MTBP: variants seen among roughly 807,000 people sequenced by gnomAD.
MTBP encodes MDM2 binding protein, also known as mdm2-binding protein.
In MTBP, 101 loss-of-function variants were observed where a neutral mutation model predicts 117.0. The ratio of observed to expected loss-of-function variants is 0.86; its 90% confidence interval spans 0.73 to 1.02. The LOEUF is 1.02. Ranked by LOEUF, MTBP falls within the 50% of genes least tolerant of loss-of-function variation. The pLI is 0.00. For missense variants in MTBP, 970 were observed against 1,030.9 expected (o/e 0.94, Z 0.81); for synonymous variants, 350 against 351.5 (o/e 1.00, Z 0.05).
chr8:120,448,481 A>G (rs900049053), intron 2 of MTBP, among the ~76,000 whole-genome samples: 5 of 152,190 alleles, frequency 3.3e-5, no homozygotes, highest in African/African-American at 1.2e-4. Context: ...ATAAAATATC[A>G]CATGGGTTTA....
chr8:120,452,246 A>G (rs1288763465), intron 4 of MTBP: 1 of 152,190 alleles, frequency 6.6e-6, no homozygotes, highest in African/African-American at 2.4e-5. Flanking sequence ...TAGTATTCAC[A>G]TATTATATCT....
chr8:120,469,165 C>G (rs1813763855), intron 10 of MTBP, among the ~76,000 whole-genome samples: 1 of 152,106 alleles, frequency 6.6e-6, no homozygotes, highest in African/African-American at 2.4e-5. Context: ...CCTGCCTCAG[C>G]CTCCCAAGTA....
Position 120,523,442 on chromosome 8 carries a change from G to A in MTBP, c.*106G>A, listed in dbSNP as rs971416962. 1.2e-5 allele frequency: 7 copies of A among 605,030 alleles called. No homozygotes were observed. Among genetic ancestry groups the A allele is most frequent in the Non-Finnish European group, 1.9e-5 (7 of 359,782 alleles). 37.5% of individuals were successfully genotyped at this position (605,030 alleles called of 1,614,324 possible). A position where few individuals can be genotyped will look rare whatever the true frequency, so the allele number is the denominator to read the frequency against. On this transcript the variant is annotated 3_prime_UTR_variant, in exon 22 of 22. Transcript: ENST00000305949. ...AAACAAATTTTAAGCTTTATTCAAA[G>A]AATAGATGTTATATTTCTAAAGAAT... is the stretch of plus-strand genomic sequence containing the variant.
intron 9 of MTBP, among the ~76,000 whole-genome samples, chr8:120,461,516 A>G (rs1813583251): frequency 6.6e-6 from 1 of 152,016 alleles, no homozygotes; most frequent in Non-Finnish European, 1.5e-5. Context: ...ATTTTTGTTC[A>G]GTATTGTTGA....
intron 11 of MTBP, chr8:120,473,305 AT>A (rs1813862071): frequency 6.6e-6 from 1 of 152,090 alleles, no homozygotes; most frequent in Non-Finnish European, 1.5e-5. Flanking sequence ...TTGTACCTGC[AT>A]GTAAGGTGAA....
chr8:120,456,453 A>C lies in MTBP; in HGVS notation c.630-100A>C, dbSNP rs1813469312. The stretch of plus-strand genomic sequence containing the variant: ...TTAATAGGAAAAATACAGCAATATA[A>C]ATTTTGCAATTTTGCCTCTTAGGCT... On this transcript the variant is annotated intron_variant, in intron 6 of 21. Coordinates refer to ENST00000305949, the MANE Select transcript of MTBP (RefSeq NM_022045.5). 3 of 678,262 alleles carry C rather than the reference A, an allele frequency of 4.4e-6. No homozygotes were observed. In the Admixed American group the frequency reaches 8.2e-5, roughly 19 times the overall value. 42.0% of individuals were successfully genotyped at this position (678,262 alleles called of 1,614,324 possible). A position where few individuals can be genotyped will look rare whatever the true frequency, so the allele number is the denominator to read the frequency against.
intron 10 of MTBP, among the ~76,000 whole-genome samples, chr8:120,467,479 G>T (rs748564129): frequency 6.6e-6 from 1 of 152,146 alleles, no homozygotes; most frequent in South Asian, 2.1e-4. Context: ...TTATCCAGGC[G>T]TGGTGGCATG....
rs751828983 is a variant in MTBP at position 120,461,157 on chromosome 8, C to G, written c.883-4C>G. 7 of 1,555,140 alleles carry G rather than the reference C, an allele frequency of 4.5e-6. No individual in the cohort carries two copies. In the South Asian group the frequency reaches 7.8e-5, roughly 17 times the overall value. On this transcript the variant is annotated splice_polypyrimidine_tract_variant and splice_region_variant and intron_variant, in intron 8 of 21. Coordinates refer to ENST00000305949, the MANE Select transcript of MTBP (RefSeq NM_022045.5). ...ATATTACACAATTTTAATTTCTTTT[C>G]TAGGTTTTCCATTATTATGGCCCTG...
intron 14 of MTBP, 81 bp from the exon 15 acceptor site, chr8:120,502,411 G>C (rs1002386101): frequency 1.1e-6 from 1 of 926,346 alleles, no homozygotes; most frequent in Admixed American, 2.4e-5. Flanking sequence ...ACGTATGTAT[G>C]TGTCTGTAAA....
chr8:120,472,034 T>A (rs561965028), intron 11 of MTBP: 1 of 152,216 alleles, frequency 6.6e-6, no homozygotes, highest in African/African-American at 2.4e-5. Flanking sequence ...GTGTGTTTTT[T>A]AAATTGAACA....
intron 10 of MTBP, among the ~76,000 whole-genome samples, chr8:120,469,397 A>G (rs897612457): frequency 6.6e-6 from 1 of 152,222 alleles, no homozygotes; most frequent in African/African-American, 2.4e-5. Context: ...AGAATGGTCG[A>G]CAATGAGTTC....
intron 11 of MTBP, among the ~76,000 whole-genome samples, chr8:120,476,360 G>A (rs948668807): frequency 3.3e-5 from 5 of 151,916 alleles, no homozygotes; most frequent in South Asian, 2.1e-4. Flanking sequence ...CAAAGATGCC[G>A]TCTCTCACCA....
intron 16 of MTBP, among the ~76,000 whole-genome samples, chr8:120,508,508 G>A (rs1814737729): frequency 6.6e-6 from 1 of 152,002 alleles, no homozygotes; most frequent in Non-Finnish European, 1.5e-5. Context: ...ACTTTTTGTG[G>A]AATAATTTAA....
In MTBP at chr8:120,517,946, C is replaced by T; in HGVS notation, c.2342C>T (p.Thr781Ile). 6.2e-7 allele frequency: 1 copy of T among 1,612,600 alleles called. No individual in the cohort carries two copies. The stretch of plus-strand genomic sequence containing the variant: ...CATGTGACATCCAGAAAGCCACAAA[C>T]AGAACGGTCCTTACCAGTGACTTGT... ...HHHVTSRKPQ[T>I]ERSLPVTCPL... The change falls in exon 19 of 22, where the codon ACA (threonine) becomes ATA (isoleucine). Residue 781 changes from threonine (T) to isoleucine (I), a missense_variant. By Grantham distance (89) the Thr-to-Ile change is moderately conservative. Coordinates refer to ENST00000305949, the MANE Select transcript of MTBP (RefSeq NM_022045.5).
intron 11 of MTBP, 42 bp downstream of exon 11, chr8:120,470,979 G>A (rs771112181): frequency 2.1e-5 from 26 of 1,256,614 alleles, no homozygotes; most frequent in Non-Finnish European, 2.9e-5. Context: ...ATGCAGCATA[G>A]TTAATGTATG....
chr8:120,490,323 A>G (rs2130583703), intron 12 of MTBP, 140 bp from the exon 13 acceptor site: 1 of 561,474 alleles, frequency 1.8e-6, no homozygotes, highest in African/African-American at 2.0e-5. Flanking sequence ...TTACTTTGAA[A>G]TATGTAAGGT....
rs113205595 is a variant in MTBP at position 120,458,480 on chromosome 8, A to G, written c.748-735A>G. Among the ~76,000 whole-genome samples, 1,199 of 152,256 alleles carry G rather than the reference A, an allele frequency of 7.9e-3. 19 individuals carry two copies. Among genetic ancestry groups the G allele is most frequent in the African/African-American group, 0.027 (1,121 of 41,536 alleles). ...CCTTACTATTACTACTTCTGCAGCA[A>G]TTGATCTTATCAGCAACATTTATCA... On this transcript the variant is annotated intron_variant, in intron 7 of 21. Transcript: ENST00000305949.
chr8:120,518,043 G>A lies in MTBP; in HGVS notation c.2439G>A (p.Met813Ile), dbSNP rs757976713. Residue 813 changes from methionine (M) to isoleucine (I), a missense_variant, in exon 19 of 22, where the codon ATG becomes ATA. By Grantham distance (10) the Met-to-Ile change is conservative. Transcript: ENST00000305949. Reference sequence around the variant, plus strand: ...AGACCAGTTCAGGTCAAAAAAGTATGCATGAATCAAAAACATCAAGGCAAA... The same window carrying A: ...AGACCAGTTCAGGTCAAAAAAGTATACATGAATCAAAAACATCAAGGCAAA... ...ATKTSSGQKS[M>I]HESKTSRQIK... 10 of 1,612,604 alleles carry A rather than the reference G, an allele frequency of 6.2e-6. No homozygotes were observed. Among genetic ancestry groups the A allele is most frequent in the Non-Finnish European group, 7.6e-6 (9 of 1,179,122 alleles).
chr8:120,452,862 TAA>T (rs998218156), intron 4 of MTBP: 5 of 147,220 alleles, frequency 3.4e-5, no homozygotes, highest in African/African-American at 1.0e-4. Context: ...AAGGCAAGTA[TAA>T]AAGTTTCTGA....
Sources: gnomAD v4.1 joint callset for allele counts (sites outside exome capture counted in the v4.1 genomes callset) on GRCh38, gnomAD v4.1.1 for gene constraint, MANE v1.5 for transcripts, NCBI Gene and HGNC (gene_info 2026-07-23, HGNC 2026-07-21) for gene names.